STOML3: variants seen among roughly 807,000 people sequenced by gnomAD.
The protein encoded by STOML3 is stomatin like 3.
A neutral mutation model predicts 29.5 loss-of-function variants in STOML3; 31 were observed. The ratio of observed to expected loss-of-function variants is 1.05; its 90% CI spans 0.79 to 1.42. The LOEUF (loss-of-function observed/expected upper bound fraction) is 1.42, where lower values mean the gene tolerates loss of function less well. Among genes scored for constraint, STOML3 ranks in the 40% most tolerant of loss-of-function variants. The pLI is 0.00. For missense variants in STOML3, 380 were observed against 363.0 expected (o/e 1.05, Z -0.38); for synonymous variants, 122 against 139.8 (o/e 0.87, Z 0.90).
chr13:38,989,023 GATATATGTT>G (rs1212473309), intron 1 of STOML3, among the ~76,000 whole-genome samples: 1 of 144,836 alleles, frequency 6.9e-6, no homozygotes, highest in African/African-American at 2.5e-5. Flanking sequence ...TATTATATAA[GATATATGTT>G]ATATATGTTA....
chr13:38,985,907 C>CTTTTTTTTTTTTTTTTTTTTT (rs1868500200), intron 1 of STOML3, among the ~76,000 whole-genome samples: 3 of 23,668 alleles, frequency 1.3e-4, no homozygotes, highest in Admixed American at 4.7e-4. Context: ...TTTTTCTTTT[C>CTTTTTTTTTTTTTTTTTTTTT]TTTCTTTTTT....
At chr13:38,968,317 C>T (rs1055431728) in intron 6 of STOML3, 83 bp downstream of exon 6, 1 of 1,529,800 alleles carries the variant, frequency 6.5e-7, no homozygotes, top group African/African-American at 1.4e-5. Context: ...AATTGACAGA[C>T]CCAATCTTCT....
chr13:38,970,295 C>T lies in STOML3; in HGVS notation c.406G>A (p.Val136Ile). The change falls in exon 5 of 7, where the codon GTC becomes ATC. Residue 136 changes from valine (V) to isoleucine (I), a missense_variant. Val to Ile is a conservative substitution (Grantham distance 29). Coordinates refer to ENST00000379631, the MANE Select transcript of STOML3 (RefSeq NM_145286.3). ...AVSAVANVNDVHQATFLLAQT... is the reference protein window; with the variant it reads ...AVSAVANVNDIHQATFLLAQT... ...GCCAGCAGAAATGTTGCTTGATGGA[C>T]ATCGTTGACATTAGCCACTGCTGAG... 1 of 1,614,144 alleles carries T rather than the reference C, an allele frequency of 6.2e-7. No homozygotes were observed. Among genetic ancestry groups the T allele is most frequent in the Non-Finnish European group, 8.5e-7 (1 of 1,180,002 alleles).
At chr13:38,977,535 T>C (rs932938897) in intron 1 of STOML3, among the ~76,000 whole-genome samples, 13 of 152,192 alleles carry the variant, frequency 8.5e-5, no homozygotes, top group Admixed American at 8.5e-4. Flanking sequence ...TGTCAGATGT[T>C]GATATTTGCC....
At position 38,990,599 on chromosome 13, in the gene STOML3, T is replaced by C. The variant is rs1348256140; in HGVS notation, c.52+71A>G. On this transcript the variant is annotated intron_variant, in intron 1 of 6. Transcript: ENST00000379631. ...ATATCTCATACTTACTCTATACCTGTCTATAATGCTACAACTCCTGCTTTG... is the reference window on the plus strand; with the variant it reads ...ATATCTCATACTTACTCTATACCTGCCTATAATGCTACAACTCCTGCTTTG... 27 of 1,507,732 alleles carry C rather than the reference T, an allele frequency of 1.8e-5. No homozygotes were observed. In the East Asian group the frequency reaches 5.9e-4, roughly 33 times the overall value. The allele number at this position is 1,507,732 out of a possible 1,614,324, so 93.4% of individuals were successfully genotyped here.
intron 6 of STOML3, 51 bp from the exon 7 acceptor site, chr13:38,967,100 T>A: frequency 6.5e-7 from 1 of 1,527,262 alleles, no homozygotes; most frequent in Non-Finnish European, 8.9e-7. Flanking sequence ...ACACTATAAC[T>A]AGTTCTTTCT....
At chr13:38,969,998 T>C (rs1323244594) in intron 5 of STOML3, among the ~76,000 whole-genome samples, 187 bp downstream of exon 5, 2 of 152,234 alleles carry the variant, frequency 1.3e-5, no homozygotes, top group Non-Finnish European at 2.9e-5. Context: ...GATATTTAAA[T>C]ATATTTCTTG....
chr13:38,970,470 C>T, intron 4 of STOML3, 82 bp from the exon 5 acceptor site: 1 of 1,197,296 alleles, frequency 8.4e-7, no homozygotes, highest in South Asian at 1.3e-5. Context: ...CAAGAGCCAT[C>T]CTCCACAGAA....
At chr13:38,977,750 A>ATTGTTTTTTTTTTTTTTTT (rs1881131183) in intron 1 of STOML3, among the ~76,000 whole-genome samples, 1 of 84,186 alleles carries the variant, frequency 1.2e-5, no homozygotes, top group South Asian at 5.4e-4. Flanking sequence ...AAGTCTCCGG[A>ATTGTTTTTTTTTTTTTTTT]TTTTTTTTTT....
At chr13:38,973,887 C>G (rs1880979433) in intron 3 of STOML3, among the ~76,000 whole-genome samples, 1 of 152,118 alleles carries the variant, frequency 6.6e-6, no homozygotes, top group South Asian at 2.1e-4. Context: ...TCAGTGACTG[C>G]CAACATTCTC....
chr13:38,980,063 C>T (rs572081900), intron 1 of STOML3: 2 of 1,551,576 alleles, frequency 1.3e-6, no homozygotes, highest in Non-Finnish European at 1.7e-6. Flanking sequence ...TACAAGCTCG[C>T]CTCTGGAGTT....
rs1234226888 is a variant in STOML3 at position 38,988,021 on chromosome 13, ATATAT to A, written c.52+2644_52+2648del. 4.6e-5 allele frequency among the ~76,000 whole-genome samples: 5 copies of A among 108,650 alleles called. No individual in the cohort carries two copies. In the East Asian group the frequency reaches 8.8e-4, roughly 19 times the overall value. The allele number at this position is 108,650 out of a possible 152,430, so 71.3% of individuals were successfully genotyped here. A position where few individuals can be genotyped will look rare whatever the true frequency, so the allele number is the denominator to read the frequency against. On this transcript the variant is annotated intron_variant, in intron 1 of 6. Coordinates refer to ENST00000379631, the MANE Select transcript of STOML3 (RefSeq NM_145286.3). ...TTTTATATCATATATTTTATATATA[ATATAT>A]TATATTTTATATCATATATTTTATA...
intron 1 of STOML3, among the ~76,000 whole-genome samples, chr13:38,989,675 T>C (rs571153916): frequency 1.1e-4 from 17 of 152,146 alleles, no homozygotes; most frequent in African/African-American, 3.4e-4. Flanking sequence ...TTTTGTATTT[T>C]TTGTAGAGAT....
chr13:38,985,096 C>T (rs143647007), intron 1 of STOML3, among the ~76,000 whole-genome samples: 5 of 152,116 alleles, frequency 3.3e-5, no homozygotes, highest in Admixed American at 6.5e-5. Context: ...CCATACATTC[C>T]GCCTGACTGT....
intron 1 of STOML3, among the ~76,000 whole-genome samples, chr13:38,980,513 C>T (rs1881235563): frequency 6.6e-6 from 1 of 152,144 alleles, no homozygotes; most frequent in Non-Finnish European, 1.5e-5. Context: ...CTACTTCAAG[C>T]TATACAAGGC....
Position 38,984,993 on chromosome 13 carries a change from T to C in STOML3, c.52+5677A>G, listed in dbSNP as rs1868451710. 1.3e-5 allele frequency among the ~76,000 whole-genome samples: 2 copies of C among 152,168 alleles called. 1 individual carries two copies. The highest frequency in any genetic ancestry group is 4.1e-4 in the South Asian group (2 of 4,828). ...ATAGATTTACTGATCTGTTGGAAAG[T>C]CCTTGTATAGAAATCATGGTTCATC... On this transcript the variant is annotated intron_variant, in intron 1 of 6. Coordinates refer to ENST00000379631, the MANE Select transcript of STOML3 (RefSeq NM_145286.3).
intron 6 of STOML3, 57 bp from the exon 7 acceptor site, chr13:38,967,106 T>G: frequency 2.0e-6 from 3 of 1,501,334 alleles, no homozygotes; most frequent in Non-Finnish European, 1.8e-6. Flanking sequence ...TAACTAGTTC[T>G]TTCTTTTTCT....
intron 3 of STOML3, among the ~76,000 whole-genome samples, chr13:38,974,071 T>A (rs9566383): frequency 0.15 from 23,544 of 151,958 alleles, 2,211 homozygotes; most frequent in East Asian, 0.31. Flanking sequence ...TTGTGAGGCA[T>A]TAAGTTGGAG....
At chr13:38,976,264 A>G (rs572707262) in intron 3 of STOML3, among the ~76,000 whole-genome samples, 1 of 152,202 alleles carries the variant, frequency 6.6e-6, no homozygotes, top group African/African-American at 2.4e-5. Context: ...ACATTCAGCC[A>G]ATGTAACCAG....
Sources: gnomAD v4.1 joint callset for allele counts (sites outside exome capture counted in the v4.1 genomes callset) on GRCh38, gnomAD v4.1.1 for gene constraint, MANE v1.5 for transcripts, NCBI Gene and HGNC (gene_info 2026-07-23, HGNC 2026-07-21) for gene names.